PCNX2: variants seen among roughly 807,000 people sequenced by gnomAD.
PCNX2 encodes the protein pecanex 2, also known as pecanex-like protein 2.
PCNX2 carries 168 observed loss-of-function variants against 223.8 expected under a neutral mutation model. That is an observed-to-expected ratio of 0.75 (90% confidence interval 0.66 to 0.85). PCNX2 has a LOEUF of 0.85. Ranked by LOEUF, PCNX2 falls within the 40% of genes least tolerant of loss-of-function variation. PCNX2 has a pLI of 0.00. For synonymous variants in PCNX2, 1,006 were observed against 1,052.6 expected (o/e 0.96, Z 0.86); for missense variants, 2,507 against 2,675.5 (o/e 0.94, Z 1.39).
the PCNX2 span, among the ~76,000 whole-genome samples, chr1:233,320,959 G>GT: frequency 1.3e-5 from 2 of 150,634 alleles, no homozygotes; most frequent in Non-Finnish European, 3.0e-5. Flanking sequence ...AATACTGCCA[G>GT]TGGTTTTCCA....
At chr1:233,195,763 T>G (rs1483722055) in intron 15 of PCNX2, among the ~76,000 whole-genome samples, 1 of 152,170 alleles carries the variant, frequency 6.6e-6, no homozygotes, top group Non-Finnish European at 1.5e-5. Context: ...ACTCCTGACC[T>G]GAGAACGAAG....
At chr1:233,128,338 G>GT (rs1676220914) in intron 21 of PCNX2, among the ~76,000 whole-genome samples, 1 of 150,918 alleles carries the variant, frequency 6.6e-6, no homozygotes, top group Non-Finnish European at 1.5e-5. Context: ...TTTTTGTTTT[G>GT]TTTTGGTTTT....
intron 32 of PCNX2, among the ~76,000 whole-genome samples, chr1:232,996,025 T>C (rs1270217938): frequency 1.3e-5 from 2 of 152,092 alleles, no homozygotes; most frequent in Non-Finnish European, 2.9e-5. Context: ...ACCTGGCTAA[T>C]TTTTTGTTGT....
intron 1 of PCNX2, among the ~76,000 whole-genome samples, chr1:233,272,752 A>G (rs12125671): frequency 0.11 from 16,169 of 152,272 alleles, 1,064 homozygotes; most frequent in South Asian, 0.2. Flanking sequence ...CCAAATGCCC[A>G]TCAATCAATG....
chr1:233,261,264 T>C (rs758407629), intron 4 of PCNX2, 21 bp downstream of exon 4: 1 of 1,592,056 alleles, frequency 6.3e-7, no homozygotes, highest in Non-Finnish European at 8.6e-7. Flanking sequence ...TGTGATAAAA[T>C]ATAAATGATT....
At chr1:233,137,379 G>A (rs2102771194) in intron 20 of PCNX2, among the ~76,000 whole-genome samples, 1 of 152,342 alleles carries the variant, frequency 6.6e-6, no homozygotes. Flanking sequence ...GAGCTGCCAG[G>A]ACAGGCTCCA....
In PCNX2 at chr1:233,001,672, A is replaced by G. The variant is rs1422637815; in HGVS notation, c.4962T>C (p.Ser1654=). The G allele has an allele frequency of 2.5e-6, 4 of 1,577,558 alleles. No individual in the cohort carries two copies. The highest frequency in any genetic ancestry group is 2.4e-5 in the South Asian group (2 of 83,748). ...AGAGGACATGGAGGCCATACAGGAAAGAATCCAGGCTGCAAAACAAAGTCC... is the reference window on the plus strand; with the variant it reads ...AGAGGACATGGAGGCCATACAGGAAGGAATCCAGGCTGCAAAACAAAGTCC... ...AAHNMAISLD[S]FLYGLHVLFK... is the part of the protein sequence containing the mutation. The change falls in exon 29 of 34, where the codon TCT becomes TCC. Residue 1654 remains serine, a synonymous_variant. Transcript: ENST00000258229. This position sits in a 1 kb window ranked among gnomAD's most constrained non-coding sequence, Gnocchi z 4.2.
At chr1:233,063,338 G>A (rs1672474134) in intron 23 of PCNX2, among the ~76,000 whole-genome samples, 1 of 152,022 alleles carries the variant, frequency 6.6e-6, no homozygotes, top group African/African-American at 2.4e-5. Context: ...CATTTGATGA[G>A]AATGATTGTT....
chr1:233,122,780 C>A (rs1338063164), intron 21 of PCNX2, among the ~76,000 whole-genome samples: 1 of 152,170 alleles, frequency 6.6e-6, no homozygotes, highest in Non-Finnish European at 1.5e-5. Context: ...ACCTCAGCCT[C>A]CCAAAGTGCT....
At chr1:233,172,622 A>G (rs1679221317) in intron 17 of PCNX2, 2 of 897,220 alleles carry the variant, frequency 2.2e-6, no homozygotes, top group Middle Eastern at 5.6e-4. Flanking sequence ...CCTGTTCTCC[A>G]TAGTTCGAGG....
chr1:233,072,911 G>A (rs376496859), intron 23 of PCNX2, among the ~76,000 whole-genome samples: 37 of 152,280 alleles, frequency 2.4e-4, no homozygotes, highest in African/African-American at 7.7e-4. Flanking sequence ...GTTAGGAATC[G>A]TTCCTTTCTT....
intron 19 of PCNX2, among the ~76,000 whole-genome samples, chr1:233,151,069 G>A (rs1381452749): frequency 6.6e-6 from 1 of 152,098 alleles, no homozygotes; most frequent in South Asian, 2.1e-4. Flanking sequence ...AGGACAACGT[G>A]CTTACTTTTG....
In PCNX2 at chr1:232,987,999, C is replaced by T. The variant is rs557789858; in HGVS notation, c.5792-1459G>A. Reference sequence around the variant, plus strand: ...TGTGCTCAGCCCCTCGCATGGGGCCCACCCGCCTCTGCTGCAGGAGGGGTG... The same window carrying T: ...TGTGCTCAGCCCCTCGCATGGGGCCTACCCGCCTCTGCTGCAGGAGGGGTG... On this transcript the variant is annotated intron_variant, in intron 32 of 33. Coordinates refer to ENST00000258229, the MANE Select transcript of PCNX2 (RefSeq NM_014801.4). 3.9e-5 allele frequency among the ~76,000 whole-genome samples: 6 copies of T among 152,344 alleles called. No individual in the cohort carries two copies. The South Asian group carries it at 6.2e-4, about 16-fold the overall frequency.
At chr1:233,325,053 C>T in the PCNX2 span, among the ~76,000 whole-genome samples, 3 of 152,258 alleles carry the variant, frequency 2.0e-5, no homozygotes, top group East Asian at 1.9e-4. Context: ...ACACAACACC[C>T]GTTCAGTAAC....
intron 25 of PCNX2, among the ~76,000 whole-genome samples, chr1:233,051,549 C>T (rs534923231): frequency 8.5e-5 from 13 of 152,262 alleles, no homozygotes; most frequent in African/African-American, 3.1e-4. Context: ...TTTGCAGCAA[C>T]GTAGATGCAG....
chr1:233,283,664 A>G (rs1661299819), intron 1 of PCNX2, among the ~76,000 whole-genome samples: 1 of 152,148 alleles, frequency 6.6e-6, no homozygotes, highest in South Asian at 2.1e-4. Context: ...GGACCACACT[A>G]AAAAGTGCAA....
At chr1:232,986,569 T>C (rs749831065) in intron 32 of PCNX2, 29 bp from the exon 33 acceptor site, 3 of 1,475,890 alleles carry the variant, frequency 2.0e-6, no homozygotes, top group South Asian at 1.4e-5. Context: ...CACAGAGTTG[T>C]AGCGGGTGGG....
the PCNX2 span, among the ~76,000 whole-genome samples, chr1:233,318,563 C>CTTTTTCTTTTTTTTTTTTTTTTTTTT: frequency 1.1e-5 from 1 of 92,504 alleles, no homozygotes; most frequent in Non-Finnish European, 2.1e-5. Flanking sequence ...TTTTCTTTTT[C>CTTTTTCTTTTTTTTTTTTTTTTTTTT]TTTTTTTTTT....
At chr1:233,300,605 A>C (rs1252729913), upstream of PCNX2, among the ~76,000 whole-genome samples, 2 of 152,224 alleles carry the variant, frequency 1.3e-5, no homozygotes, top group Non-Finnish European at 2.9e-5. Flanking sequence ...TTTGCAGAGC[A>C]GTACAATCCC....
Sources: allele counts gnomAD v4.1 joint callset (sites outside exome capture counted in the v4.1 genomes callset), GRCh38; gene constraint gnomAD v4.1.1; non-coding constraint Gnocchi (gnomAD v3.1); transcripts MANE v1.5; gene names NCBI Gene and HGNC (gene_info 2026-07-23, HGNC 2026-07-21).